The following ARHGAP6 variants were observed in gnomAD, a reference collection of about 807,000 sequenced individuals.
The protein encoded by ARHGAP6 is rho GTPase-activating protein 6.
Under a neutral mutation model 55.7 loss-of-function variants are expected in ARHGAP6, and 16 were observed. That is an observed-to-expected ratio of 0.29 (90% CI 0.19 to 0.44). The LOEUF (loss-of-function observed/expected upper bound fraction) is 0.44. Ranked by LOEUF, ARHGAP6 falls within the 20% of genes least tolerant of loss-of-function variation. The probability of loss-of-function intolerance (pLI) is 1.00; values close to 1 mark genes in which losing one functional copy is unlikely to be tolerated. For synonymous variants in ARHGAP6, 382 were observed against 360.9 expected, an observed-to-expected ratio of 1.06 and a Z score of -0.66; for missense variants, 698 against 808.9, an observed-to-expected ratio of 0.86 and a Z score of 1.66.
At chrX:11,510,561 C>T (rs1028189941) in intron 1 of ARHGAP6, among the ~76,000 whole-genome samples, 2 of 111,263 alleles carry the variant, frequency 1.8e-5, no homozygotes, top group African/African-American at 3.3e-5. Flanking sequence ...AGAATGAATA[C>T]ACAAGGATAA....
chrX:11,486,907 C>A (rs1296104030), intron 1 of ARHGAP6, among the ~76,000 whole-genome samples: 1 of 111,648 alleles, frequency 9.0e-6, no homozygotes, highest in Non-Finnish European at 1.9e-5. Flanking sequence ...GGTGGGGTGT[C>A]AGAGCCCAAG....
At chrX:11,503,842 G>T (rs990663863) in intron 1 of ARHGAP6, among the ~76,000 whole-genome samples, 1 of 103,503 alleles carries the variant, frequency 9.7e-6, no homozygotes, top group African/African-American at 3.6e-5. Flanking sequence ...ATATCCATTT[G>T]CACACACACA....
chrX:11,144,038 C>G lies in ARHGAP6; in HGVS notation c.2118G>C (p.Val706=). ...LYRVPGQFML[V]GHLSSSKSRE... ...TTGACTTTGACGACGACAAGTGGCC[C>G]ACCAGCATAAACTGCCCTGGCACTC... Residue 706 remains valine, a synonymous_variant, in exon 11 of 13, where the codon GTG becomes GTC. Transcript: ENST00000337414. 2 of 1,211,724 alleles carry G rather than the reference C, an allele frequency of 1.7e-6. No individual in the cohort carries two copies. The highest frequency in any genetic ancestry group is 2.2e-6 in the Non-Finnish European group (2 of 895,540).
intron 1 of ARHGAP6, among the ~76,000 whole-genome samples, chrX:11,361,486 C>A (rs757643921): frequency 9.0e-6 from 1 of 110,960 alleles, no homozygotes; most frequent in Non-Finnish European, 1.9e-5. Flanking sequence ...TTCCTTACAC[C>A]TTATACAAAA....
intron 1 of ARHGAP6, among the ~76,000 whole-genome samples, chrX:11,419,672 CAG>C (rs2049795440): frequency 8.9e-6 from 1 of 112,239 alleles, no homozygotes; most frequent in African/African-American, 3.2e-5. Context: ...CCACCTGGCA[CAG>C]AGATGCTTGG....
At chrX:11,548,696 C>A (rs948299902) in intron 1 of ARHGAP6, among the ~76,000 whole-genome samples, 1 of 111,308 alleles carries the variant, frequency 9.0e-6, no homozygotes, top group Non-Finnish European at 1.9e-5. Context: ...GCAACCTCTG[C>A]CTCCCGGGTT....
At chrX:11,185,601 G>A (rs1399603540) in intron 5 of ARHGAP6, among the ~76,000 whole-genome samples, 1 of 111,923 alleles carries the variant, frequency 8.9e-6, no homozygotes, top group Non-Finnish European at 1.9e-5. Flanking sequence ...TACAAACTTA[G>A]TTTATGAAAA....
chrX:11,415,950 T>C (rs545839519), intron 1 of ARHGAP6, among the ~76,000 whole-genome samples: 1 of 111,733 alleles, frequency 8.9e-6, no homozygotes, highest in East Asian at 2.8e-4. Flanking sequence ...AATGTCAGAG[T>C]AGCTTGTCAC....
At chrX:11,657,806 G>A (rs2052655714) in intron 1 of ARHGAP6, among the ~76,000 whole-genome samples, 1 of 111,361 alleles carries the variant, frequency 9.0e-6, no homozygotes, top group African/African-American at 3.3e-5. Flanking sequence ...CAATCCCAGA[G>A]TCAGAGGAGT....
intron 1 of ARHGAP6, among the ~76,000 whole-genome samples, chrX:11,342,394 T>C (rs1317709910): frequency 8.9e-6 from 1 of 112,216 alleles, no homozygotes; most frequent in Non-Finnish European, 1.9e-5. Flanking sequence ...ATTAAAAATT[T>C]GCACATTGGA....
At chrX:11,341,280 G>GT (rs1483103935) in intron 1 of ARHGAP6, among the ~76,000 whole-genome samples, 2 of 111,476 alleles carry the variant, frequency 1.8e-5, no homozygotes, top group Non-Finnish European at 3.8e-5. Context: ...CAGGTTTAGA[G>GT]TTTTTTTGTT....
intron 1 of ARHGAP6, among the ~76,000 whole-genome samples, chrX:11,478,976 C>T (rs1438929680): frequency 8.9e-6 from 1 of 112,056 alleles, no homozygotes; most frequent in South Asian, 3.7e-4. Context: ...TTTTCTGTTT[C>T]CTAGCAGAAA....
chrX:11,205,281 C>T (rs150605423), intron 2 of ARHGAP6, among the ~76,000 whole-genome samples: 169 of 111,325 alleles, frequency 1.5e-3, no homozygotes, highest in African/African-American at 5.4e-3. Context: ...GAGTCTTTGC[C>T]GTGGGGACTG....
At chrX:11,297,986 T>C in intron 1 of ARHGAP6, 1 of 742,212 alleles carries the variant, frequency 1.3e-6, no homozygotes, top group Admixed American at 2.3e-5. Flanking sequence ...GTGAGAGTAA[T>C]AATACTTGCC....
At chrX:11,581,606 T>C (rs145966743) in intron 1 of ARHGAP6, among the ~76,000 whole-genome samples, 1 of 111,789 alleles carries the variant, frequency 8.9e-6, no homozygotes, top group East Asian at 2.8e-4. Flanking sequence ...GAAGTACCGG[T>C]ACTTGTTACA....
At position 11,298,277 on chromosome X, in the gene ARHGAP6, G is replaced by A. The variant is rs149068672; in HGVS notation, c.589-43570C>T. 6.6e-6 allele frequency: 8 copies of A among 1,207,875 alleles called. No homozygotes were observed. The African/African-American group carries it at 8.8e-5, about 13-fold the overall frequency. On this transcript the variant is annotated intron_variant, in intron 1 of 12. Transcript: ENST00000337414. ...AGTGGTACCAGAGCATAAGGCCACC[G>A]GTATGTAGACATTTTGTTCCTTATT...
chrX:11,355,859 T>A (rs765527268), intron 1 of ARHGAP6, among the ~76,000 whole-genome samples: 1 of 111,000 alleles, frequency 9.0e-6, no homozygotes, highest in Non-Finnish European at 1.9e-5. Context: ...TTTGGGTAGC[T>A]GAAGAGTGTA....
chrX:11,479,191 G>A (rs1385802698), intron 1 of ARHGAP6, among the ~76,000 whole-genome samples: 4 of 112,199 alleles, frequency 3.6e-5, no homozygotes, highest in African/African-American at 1.3e-4. Flanking sequence ...GAAGGGCTGT[G>A]TCTTGGAAGG....
At chrX:11,512,388 C>T (rs1224331813) in intron 1 of ARHGAP6, among the ~76,000 whole-genome samples, 2 of 111,551 alleles carry the variant, frequency 1.8e-5, no homozygotes, top group African/African-American at 3.3e-5. Context: ...TCTTTCCACA[C>T]TATGTAGCAA....
Sources: gnomAD v4.1 joint callset for allele counts (sites outside exome capture counted in the v4.1 genomes callset) on GRCh38, gnomAD v4.1.1 for gene constraint, MANE v1.5 for transcripts, NCBI Gene and HGNC (gene_info 2026-07-23, HGNC 2026-07-21) for gene names.